The following NRXN1 variants were observed in gnomAD, a reference collection of about 807,000 sequenced individuals.
NRXN1 encodes neurexin-1.
NRXN1 carries 39 observed loss-of-function variants against 150.9 expected under a neutral mutation model. The observed-to-expected ratio is 0.26, with a 90% CI of 0.20 to 0.34. The LOEUF is 0.34. NRXN1 is among the 10% of genes least tolerant of loss of function. The pLI, the probability that NRXN1 is intolerant of heterozygous loss-of-function variation, is 1.00. For synonymous variants in NRXN1, 924 were observed against 757.0 expected, an observed-to-expected ratio of 1.22 and a Z score of -3.62; for missense variants, 1,815 against 1,949.9, an observed-to-expected ratio of 0.93 and a Z score of 1.30.
At chr2:50,136,199 A>G (rs558738499) in intron 18 of NRXN1, among the ~76,000 whole-genome samples, 3 of 152,290 alleles carry the variant, frequency 2.0e-5, no homozygotes, top group African/African-American at 7.2e-5. Context: ...GTAGAGGGAG[A>G]GCATATTCAT....
At chr2:50,951,080 T>C (rs138961463) in intron 2 of NRXN1, among the ~76,000 whole-genome samples, 2 of 152,316 alleles carry the variant, frequency 1.3e-5, no homozygotes, top group East Asian at 1.9e-4. Context: ...TGGGAATTAA[T>C]GTATTAGATT....
chr2:51,027,697 G>T lies in NRXN1; in HGVS notation c.577C>A (p.Gln193Lys). The part of the protein sequence containing the change: ...WIRDVRVNSS[Q>K]VLPVDSGEVK... ...TCGCCGCTGTCCACGGGCAGGACCT[G>T]CGAGGAGTTGACCCTCACGTCACGA... The change falls in exon 2 of 23, where the codon CAG (glutamine) becomes AAG (lysine). Residue 193 changes from glutamine (Q) to lysine (K), a missense_variant. By Grantham distance (53) the Gln-to-Lys change is moderately conservative. Transcript: ENST00000401669. 6.2e-7 allele frequency: 1 copy of T among 1,606,130 alleles called. No individual in the cohort carries two copies. The highest frequency in any genetic ancestry group is 8.5e-7 in the Non-Finnish European group (1 of 1,176,158).
chr2:50,148,063 C>T (rs977406128), intron 18 of NRXN1, among the ~76,000 whole-genome samples: 1 of 151,680 alleles, frequency 6.6e-6, no homozygotes, highest in African/African-American at 2.4e-5. Context: ...CTGTCAGATG[C>T]TTCTATTCTC....
intron 17 of NRXN1, among the ~76,000 whole-genome samples, chr2:50,442,095 T>TTC (rs1558738966): frequency 6.6e-6 from 1 of 152,156 alleles, no homozygotes. Flanking sequence ...AACATAATTG[T>TTC]TATGAACAAG....
intron 2 of NRXN1, among the ~76,000 whole-genome samples, chr2:50,941,422 A>T (rs1575000338): frequency 6.6e-6 from 1 of 152,198 alleles, no homozygotes; most frequent in Non-Finnish European, 1.5e-5. Context: ...GAAAGTTTGG[A>T]ACTTCCTAGA....
chr2:50,606,867 A>G (rs182994266), intron 8 of NRXN1, among the ~76,000 whole-genome samples: 2 of 152,298 alleles, frequency 1.3e-5, no homozygotes, highest in Admixed American at 1.3e-4. Context: ...GTTAATCTAC[A>G]TTTATAACTA....
intron 17 of NRXN1, among the ~76,000 whole-genome samples, chr2:50,379,040 C>T (rs2080738601): frequency 6.6e-6 from 1 of 151,754 alleles, no homozygotes; most frequent in African/African-American, 2.4e-5. Flanking sequence ...TGTCATGCAG[C>T]AGGCATTCAA....
chr2:50,547,467 T>C (rs1415787063), intron 9 of NRXN1: 1 of 152,142 alleles, frequency 6.6e-6, no homozygotes, highest in African/African-American at 2.4e-5. Flanking sequence ...TTTAGCTAAA[T>C]ACCTGGGCAG....
chr2:50,574,479 C>A (rs1008128449), intron 8 of NRXN1, among the ~76,000 whole-genome samples: 3 of 152,106 alleles, frequency 2.0e-5, no homozygotes, highest in Non-Finnish European at 2.9e-5. Flanking sequence ...TCTCCCAAGG[C>A]TCCTTTCCTA....
At chr2:50,947,833 T>C (rs1350985304) in intron 2 of NRXN1, among the ~76,000 whole-genome samples, 10 of 151,980 alleles carry the variant, frequency 6.6e-5, no homozygotes, top group Non-Finnish European at 1.5e-4. Flanking sequence ...CACTTGCAAA[T>C]TTTTTCACAT....
At chr2:50,842,583 T>TA (rs1559339830) in intron 5 of NRXN1, among the ~76,000 whole-genome samples, 1 of 152,172 alleles carries the variant, frequency 6.6e-6, no homozygotes, top group Admixed American at 6.5e-5. Flanking sequence ...AGCGTCTAAA[T>TA]ATTTATTTGC....
intron 15 of NRXN1, among the ~76,000 whole-genome samples, chr2:50,486,253 T>C (rs1053500864): frequency 1.3e-5 from 2 of 152,124 alleles, no homozygotes; most frequent in African/African-American, 4.8e-5. Context: ...AATGACATAA[T>C]TGATAATAAC....
rs575806755 is a variant in NRXN1, at chr2:50,856,521, G to A, written c.832+65348C>T. Among the ~76,000 whole-genome samples, 10 of 152,090 alleles carry A rather than the reference G, an allele frequency of 6.6e-5. No individual in the cohort carries two copies. In the South Asian group the frequency reaches 2.1e-3, roughly 32 times the overall value. ...AAAGCTTTCCCAAGAGAAAAGCTGAGATAAGGAATAATGTATTCGGTGAAA... is the reference window on the plus strand; with the variant it reads ...AAAGCTTTCCCAAGAGAAAAGCTGAAATAAGGAATAATGTATTCGGTGAAA... On this transcript the variant is annotated intron_variant, in intron 5 of 22. Transcript: ENST00000401669.
At chr2:50,480,346 A>C (rs1055896355) in intron 15 of NRXN1, among the ~76,000 whole-genome samples, 16 of 152,132 alleles carry the variant, frequency 1.1e-4, no homozygotes, top group Non-Finnish European at 1.9e-4. Flanking sequence ...TCTTTGGAGG[A>C]AATTAAATTT....
intron 17 of NRXN1, among the ~76,000 whole-genome samples, chr2:50,322,552 G>A (rs188083755): frequency 6.6e-6 from 1 of 152,148 alleles, no homozygotes; most frequent in Non-Finnish European, 1.5e-5. Flanking sequence ...CTGTAAGTAT[G>A]AAAGTTCTCT....
rs147111699 is a variant in NRXN1, at chr2:50,926,073, G to A, written c.773-118C>T. 1.9e-3 allele frequency: 1,483 copies of A among 761,668 alleles called. 2 individuals carry two copies. Among genetic ancestry groups the A allele is most frequent in the Non-Finnish European group, 2.9e-3 (1,260 of 430,550 alleles). The allele number at this position is 761,668 out of a possible 1,614,324, so 47.2% of individuals were successfully genotyped here. A position where few individuals can be genotyped will look rare whatever the true frequency, so the allele number is the denominator to read the frequency against. On this transcript the variant is annotated intron_variant, in intron 2 of 22. Coordinates refer to ENST00000401669, the MANE Select transcript of NRXN1 (RefSeq NM_001330078.2). ...AAGGCACCAAACACATCATGCAAGT[G>A]CTCCATCACTATCATTCAAGGGGGA...
At chr2:50,128,442 AG>A (rs1377764594) in intron 18 of NRXN1, among the ~76,000 whole-genome samples, 1 of 152,218 alleles carries the variant, frequency 6.6e-6, no homozygotes, top group African/African-American at 2.4e-5. Flanking sequence ...GAGTAAAAGA[AG>A]GGCCACCTCA....
chr2:50,504,006 A>G (rs1232770158), intron 13 of NRXN1, among the ~76,000 whole-genome samples: 1 of 152,122 alleles, frequency 6.6e-6, no homozygotes, highest in East Asian at 1.9e-4. Flanking sequence ...AATATCAGAT[A>G]AGCACAAACT....
intron 5 of NRXN1, among the ~76,000 whole-genome samples, chr2:50,795,313 TA>T (rs1048031847): frequency 3.9e-5 from 6 of 152,130 alleles, no homozygotes; most frequent in African/African-American, 1.4e-4. Flanking sequence ...CCCAAGAATT[TA>T]AAAGACCCAA....
Sources: gnomAD v4.1 joint callset for allele counts (sites outside exome capture counted in the v4.1 genomes callset) on GRCh38, gnomAD v4.1.1 for gene constraint, MANE v1.5 for transcripts, NCBI Gene and HGNC (gene_info 2026-07-23, HGNC 2026-07-21) for gene names.